GRID2: variants seen among roughly 807,000 people sequenced by gnomAD.
GRID2 encodes glutamate receptor ionotropic, delta-2.
A neutral mutation model predicts 114.8 loss-of-function variants in GRID2; 33 were observed. The ratio of observed to expected loss-of-function variants is 0.29; its 90% CI spans 0.22 to 0.38. The LOEUF (loss-of-function observed/expected upper bound fraction) is 0.38. Ranked by LOEUF, GRID2 falls within the 10% of genes least tolerant of loss-of-function variation. GRID2 has a pLI of 1.00. For synonymous variants in GRID2, 505 were observed against 449.9 expected, an observed-to-expected ratio of 1.12 and a Z score of -1.55; for missense variants, 1,184 against 1,257.7, an observed-to-expected ratio of 0.94 and a Z score of 0.89.
intron 2 of GRID2, among the ~76,000 whole-genome samples, chr4:92,795,205 G>A (rs540424517): frequency 4.0e-5 from 6 of 151,754 alleles, no homozygotes; most frequent in Non-Finnish European, 5.9e-5. Context: ...ATCTCAACTC[G>A]AATTATATCT....
chr4:92,306,828 G>A (rs1249747136), intron 1 of GRID2, among the ~76,000 whole-genome samples: 4 of 152,140 alleles, frequency 2.6e-5, no homozygotes, highest in Non-Finnish European at 4.4e-5. Flanking sequence ...TCTTTAGAAA[G>A]TTGGTTGTAT....
chr4:93,169,234 T>C (rs913841784), intron 4 of GRID2, among the ~76,000 whole-genome samples: 2 of 151,970 alleles, frequency 1.3e-5, no homozygotes, highest in African/African-American at 2.4e-5. Context: ...TTATTGCCTA[T>C]TTTTGAGCAC....
At chr4:93,337,923 T>C (rs919865) in intron 8 of GRID2, among the ~76,000 whole-genome samples, 38,440 of 152,044 alleles carry the variant, frequency 0.25, 8,149 homozygotes, top group African/African-American at 0.58. Flanking sequence ...TAGTCCCTGC[T>C]CCACCCTTTG....
chr4:93,683,460 C>G (rs747140328), intron 14 of GRID2, among the ~76,000 whole-genome samples: 1 of 152,068 alleles, frequency 6.6e-6, no homozygotes, highest in South Asian at 2.1e-4. Flanking sequence ...TATTCCTATA[C>G]TCTGCTTACT....
chr4:93,096,154 C>T (rs1231519774), intron 3 of GRID2, among the ~76,000 whole-genome samples: 1 of 151,812 alleles, frequency 6.6e-6, no homozygotes, highest in African/African-American at 2.4e-5. Flanking sequence ...CAATTGGGTC[C>T]CTGTATGGAA....
chr4:93,654,920 C>T (rs1413353590), intron 14 of GRID2, among the ~76,000 whole-genome samples: 1 of 152,144 alleles, frequency 6.6e-6, no homozygotes, highest in Non-Finnish European at 1.5e-5. Context: ...AATAAAAACA[C>T]ATGCTTTGAC....
chr4:92,916,212 A>C (rs1268533782), intron 2 of GRID2, among the ~76,000 whole-genome samples: 1 of 152,116 alleles, frequency 6.6e-6, no homozygotes, highest in African/African-American at 2.4e-5. Flanking sequence ...TTTTACATTT[A>C]AGACTTTAAT....
intron 11 of GRID2, among the ~76,000 whole-genome samples, chr4:93,461,918 C>G (rs1427898771): frequency 6.6e-6 from 1 of 152,170 alleles, no homozygotes; most frequent in Non-Finnish European, 1.5e-5. Context: ...ACTCTATCAT[C>G]TGGTCTCCAG....
At chr4:93,427,557 A>G (rs1002358024) in intron 10 of GRID2, among the ~76,000 whole-genome samples, 1 of 152,022 alleles carries the variant, frequency 6.6e-6, no homozygotes, top group Non-Finnish European at 1.5e-5. Context: ...ACATTAAAGA[A>G]GAGTCAAAGA....
At chr4:93,742,202 A>C (rs1319299391) in intron 14 of GRID2, among the ~76,000 whole-genome samples, 2 of 152,150 alleles carry the variant, frequency 1.3e-5, no homozygotes, top group Non-Finnish European at 2.9e-5. Context: ...TCATTCATTT[A>C]GCCTATGAAT....
At chr4:93,596,196 C>T (rs1739068361) in intron 13 of GRID2, among the ~76,000 whole-genome samples, 1 of 152,140 alleles carries the variant, frequency 6.6e-6, no homozygotes, top group South Asian at 2.1e-4. Context: ...AGAAATATTG[C>T]AATTGTATAT....
chr4:93,398,129 G>GTGTGTGTGTGTGTGTA (rs1553923239), intron 9 of GRID2, among the ~76,000 whole-genome samples: 2 of 113,152 alleles, frequency 1.8e-5, no homozygotes, highest in Admixed American at 1.6e-4. Context: ...ATGTATGTGT[G>GTGTGTGTGTGTGTGTA]TGTGTATATA....
At chr4:93,193,858 T>C (rs1186843232) in intron 4 of GRID2, among the ~76,000 whole-genome samples, 1 of 152,208 alleles carries the variant, frequency 6.6e-6, no homozygotes, top group Non-Finnish European at 1.5e-5. Flanking sequence ...CCCTGAATTA[T>C]AGGCCACAAT....
chr4:92,563,257 C>T (rs1261184088), intron 1 of GRID2, among the ~76,000 whole-genome samples: 2 of 152,116 alleles, frequency 1.3e-5, no homozygotes, highest in Non-Finnish European at 2.9e-5. Context: ...TGAGAAGCTG[C>T]TAAGGAATGG....
intron 12 of GRID2, among the ~76,000 whole-genome samples, chr4:93,513,127 G>C (rs779049144): frequency 3.9e-5 from 6 of 152,148 alleles, no homozygotes; most frequent in Middle Eastern, 3.2e-3. Flanking sequence ...AGGGTGTCTG[G>C]TGACCTGCAA....
intron 10 of GRID2, among the ~76,000 whole-genome samples, chr4:93,425,963 A>G (rs1357706223): frequency 6.6e-6 from 1 of 152,062 alleles, no homozygotes; most frequent in Non-Finnish European, 1.5e-5. Context: ...TTTAATTTTT[A>G]TTCTGATAGG....
intron 1 of GRID2, among the ~76,000 whole-genome samples, chr4:92,468,612 C>T (rs1276647064): frequency 6.6e-6 from 1 of 152,050 alleles, no homozygotes; most frequent in Admixed American, 6.6e-5. Context: ...AGGGAGAAAG[C>T]CATGTAAACA....
chr4:92,423,223 A>T (rs1731992100), intron 1 of GRID2, among the ~76,000 whole-genome samples: 1 of 152,190 alleles, frequency 6.6e-6, no homozygotes, highest in South Asian at 2.1e-4. Flanking sequence ...ATATAGTAAG[A>T]CTAGCTAATA....
chr4:92,693,965 T>TA (rs1347091324), intron 2 of GRID2, among the ~76,000 whole-genome samples: 4 of 152,080 alleles, frequency 2.6e-5, no homozygotes, highest in Admixed American at 6.6e-5. Context: ...GGTTAAGAAA[T>TA]AAGGGAGAGG....
Sources: gnomAD v4.1 joint callset for allele counts (sites outside exome capture counted in the v4.1 genomes callset) on GRCh38, gnomAD v4.1.1 for gene constraint, MANE v1.5 for transcripts, NCBI Gene and HGNC (gene_info 2026-07-23, HGNC 2026-07-21) for gene names.